The following CCDC3 variants were observed in gnomAD, a reference collection of about 807,000 sequenced individuals.
CCDC3 encodes the protein coiled-coil domain-containing protein 3.
A neutral mutation model predicts 21.4 loss-of-function variants in CCDC3; 24 were observed. That is an observed-to-expected ratio of 1.12 (90% CI 0.81 to 1.58). The LOEUF (loss-of-function observed/expected upper bound fraction) is 1.58. Ranked by LOEUF, CCDC3 falls within the 40% of genes most tolerant of loss-of-function variation. The pLI, the probability that CCDC3 is intolerant of heterozygous loss-of-function variation, is 0.00. For synonymous variants in CCDC3, 186 were observed against 166.0 expected, an observed-to-expected ratio of 1.12 and a Z score of -0.93; for missense variants, 425 against 360.9, an observed-to-expected ratio of 1.18 and a Z score of -1.44.
chr10:13,042,607 C>T (rs7088757), intron 5 of CCDC3, among the ~76,000 whole-genome samples: 28,028 of 152,100 alleles, frequency 0.18, 2,933 homozygotes, highest in Middle Eastern at 0.3. Context: ...AAATAATGGT[C>T]GAAAACTCCA....
At chr10:13,064,480 C>T (rs1243222986) in intron 4 of CCDC3, among the ~76,000 whole-genome samples, 1 of 152,166 alleles carries the variant, frequency 6.6e-6, no homozygotes. Context: ...GTGACACAGC[C>T]TCAGGAGATC....
At chr10:12,899,796 G>T (rs1490015463) in intron 2 of CCDC3, among the ~76,000 whole-genome samples, 1 of 152,200 alleles carries the variant, frequency 6.6e-6, no homozygotes, top group Non-Finnish European at 1.5e-5. Flanking sequence ...ACGGGTAAGG[G>T]TGGCCATATC....
chr10:12,948,216 C>A (rs372605235), intron 2 of CCDC3, among the ~76,000 whole-genome samples: 1 of 152,178 alleles, frequency 6.6e-6, no homozygotes, highest in Non-Finnish European at 1.5e-5. Flanking sequence ...ATAAGATGTG[C>A]CTTTGCTCTT....
chr10:13,080,333 G>A (rs1391466813), intron 3 of CCDC3, among the ~76,000 whole-genome samples: 1 of 152,178 alleles, frequency 6.6e-6, no homozygotes, highest in Non-Finnish European at 1.5e-5. Context: ...AAGGAAGTCA[G>A]AAAGTTAAAG....
chr10:13,071,116 A>T (rs1836877081), intron 4 of CCDC3, among the ~76,000 whole-genome samples: 1 of 152,130 alleles, frequency 6.6e-6, no homozygotes, highest in Non-Finnish European at 1.5e-5. Context: ...CCTTTTTGGG[A>T]AAGTAAGACA....
chr10:13,015,298 A>T (rs991885918), intron 5 of CCDC3, among the ~76,000 whole-genome samples: 1 of 152,128 alleles, frequency 6.6e-6, no homozygotes, highest in African/African-American at 2.4e-5. Context: ...AATTAGATTA[A>T]ATTCCATCAG....
At chr10:13,019,024 G>C (rs1346272478) in intron 5 of CCDC3, among the ~76,000 whole-genome samples, 1 of 151,976 alleles carries the variant, frequency 6.6e-6, no homozygotes, top group Admixed American at 6.6e-5. Flanking sequence ...ACAAGGTCAG[G>C]AGATCGAGAC....
intron 5 of CCDC3, among the ~76,000 whole-genome samples, chr10:13,032,845 CACAA>C (rs1210739630): frequency 1.3e-5 from 2 of 152,092 alleles, no homozygotes; most frequent in African/African-American, 2.4e-5. Flanking sequence ...TAAAAGAGGA[CACAA>C]ACAAAGGGAA....
chr10:12,969,745 A>T (rs921687445), intron 2 of CCDC3, among the ~76,000 whole-genome samples: 6 of 149,852 alleles, frequency 4.0e-5, no homozygotes, highest in African/African-American at 1.5e-4. Flanking sequence ...AATATTTTTA[A>T]AAAATATTTT....
intron 5 of CCDC3, among the ~76,000 whole-genome samples, chr10:13,042,161 T>C (rs754931509): frequency 6.6e-6 from 1 of 152,228 alleles, no homozygotes; most frequent in Admixed American, 6.5e-5. Flanking sequence ...TGTGATCCCG[T>C]GCAAATCACT....
At chr10:12,996,958 C>G (rs558486014) in intron 2 of CCDC3, among the ~76,000 whole-genome samples, 1 of 152,242 alleles carries the variant, frequency 6.6e-6, no homozygotes, top group South Asian at 2.1e-4. Context: ...GATGGAAAAA[C>G]TACCTCTCAG....
At chr10:12,991,599 G>A (rs1835683995) in intron 2 of CCDC3, among the ~76,000 whole-genome samples, 1 of 152,138 alleles carries the variant, frequency 6.6e-6, no homozygotes, top group African/African-American at 2.4e-5. Flanking sequence ...CCCCCAAATT[G>A]CTGGGATTAC....
chr10:12,960,601 T>C (rs995215987), intron 2 of CCDC3, among the ~76,000 whole-genome samples: 7 of 152,170 alleles, frequency 4.6e-5, no homozygotes, highest in Non-Finnish European at 5.9e-5. Context: ...CTCTAGAAGC[T>C]TTCCCACCAC....
chr10:12,940,577 C>T (rs986375820), intron 2 of CCDC3, among the ~76,000 whole-genome samples: 7 of 152,130 alleles, frequency 4.6e-5, no homozygotes, highest in African/African-American at 1.7e-4. Flanking sequence ...TAATTAGTTC[C>T]ATGACTGTCC....
chr10:12,905,520 A>AGAGAC (rs1380906646), intron 2 of CCDC3, among the ~76,000 whole-genome samples: 1 of 152,218 alleles, frequency 6.6e-6, no homozygotes, highest in East Asian at 1.9e-4. Context: ...ACCTGGTGCC[A>AGAGAC]GAGACGCCCA....
chr10:13,032,721 T>C lies in CCDC3; in HGVS notation c.-2+16953A>G, dbSNP rs375548831. ...AACAGACAAACAGAGAGCCAAATCA[T>C]GAGTCAACTCCCATTCACAATTGCT... On this transcript the variant is annotated intron_variant, in intron 5 of 6. Coordinates refer to the CCDC3 transcript ENST00000378839. Among the ~76,000 whole-genome samples, 26 of 152,184 alleles carry C rather than the reference T, an allele frequency of 1.7e-4. 2 individuals carry two copies. The East Asian group carries it at 1.7e-3, about 10-fold the overall frequency.
At position 12,898,368 on chromosome 10, in the gene CCDC3, C is replaced by A; in HGVS notation, c.*48G>T. ...GCATGTACGAAACCTCACTCATTCT[C>A]AATTACCGTCAGGATTGGCCCTGCA... On this transcript the variant is annotated 3_prime_UTR_variant, in exon 3 of 3. Coordinates refer to ENST00000378825, the MANE Select transcript of CCDC3 (RefSeq NM_031455.4). The A allele has an allele frequency of 1.3e-6, 2 of 1,524,246 alleles. No homozygotes were observed. Among genetic ancestry groups the A allele is most frequent in the South Asian group, 2.6e-5 (2 of 78,394 alleles). The allele number at this position is 1,524,246 out of a possible 1,614,324, so 94.4% of individuals were successfully genotyped here.
intron 5 of CCDC3, among the ~76,000 whole-genome samples, chr10:13,009,847 A>T (rs901859404): frequency 1.3e-5 from 2 of 152,258 alleles, no homozygotes; most frequent in Non-Finnish European, 2.9e-5. Flanking sequence ...CATCATCAAA[A>T]TATCTAATAA....
chr10:13,055,184 A>G (rs1005964631), intron 4 of CCDC3, among the ~76,000 whole-genome samples: 4 of 152,198 alleles, frequency 2.6e-5, no homozygotes, highest in African/African-American at 9.7e-5. Context: ...CACAGGGTAC[A>G]GGGACTTCCT....
Sources: gnomAD v4.1 joint callset for allele counts (sites outside exome capture counted in the v4.1 genomes callset) on GRCh38, gnomAD v4.1.1 for gene constraint, MANE v1.5 for transcripts, NCBI Gene and HGNC (gene_info 2026-07-23, HGNC 2026-07-21) for gene names.